Variants in NKAIN2 observed in about 807,000 individuals in gnomAD.
NKAIN2 encodes sodium/potassium-transporting ATPase subunit beta-1-interacting protein 2.
Under a neutral mutation model 32.6 loss-of-function variants are expected in NKAIN2, and 14 were observed. The ratio of observed to expected loss-of-function variants is 0.43; its 90% CI spans 0.28 to 0.67. NKAIN2 has a LOEUF of 0.67. NKAIN2 is among the 30% of genes least tolerant of loss of function. NKAIN2 has a pLI of 0.17. For synonymous variants in NKAIN2, 80 were observed against 87.2 expected, an observed-to-expected ratio of 0.92 and a Z score of 0.46; for missense variants, 198 against 258.3, an observed-to-expected ratio of 0.77 and a Z score of 1.60.
intron 3 of NKAIN2, among the ~76,000 whole-genome samples, chr6:124,515,602 A>AC (rs971446121): frequency 3.3e-5 from 5 of 151,532 alleles, no homozygotes; most frequent in Non-Finnish European, 7.4e-5. Flanking sequence ...TGACCCAAAG[A>AC]CCCCCCATTA....
chr6:124,450,472 C>T (rs1424274305), intron 3 of NKAIN2, among the ~76,000 whole-genome samples: 2 of 151,850 alleles, frequency 1.3e-5, no homozygotes, highest in Admixed American at 6.6e-5. Flanking sequence ...TTATTCTGAA[C>T]ATTAATAATC....
At chr6:124,479,051 A>G (rs1398102809) in intron 3 of NKAIN2, among the ~76,000 whole-genome samples, 1 of 152,096 alleles carries the variant, frequency 6.6e-6, no homozygotes, top group Non-Finnish European at 1.5e-5. Context: ...AAAACCGACA[A>G]ACACAAATGG....
intron 1 of NKAIN2, among the ~76,000 whole-genome samples, chr6:124,204,074 A>G (rs1790732250): frequency 6.6e-6 from 1 of 151,842 alleles, no homozygotes; most frequent in African/African-American, 2.4e-5. Context: ...CATGTGTTTT[A>G]CTTTTTGGGC....
chr6:123,878,723 T>C (rs1773296969), intron 1 of NKAIN2, among the ~76,000 whole-genome samples: 1 of 152,178 alleles, frequency 6.6e-6, no homozygotes, highest in Non-Finnish European at 1.5e-5. Flanking sequence ...CTCTGAATGC[T>C]GCCTGCCTTT....
intron 1 of NKAIN2, among the ~76,000 whole-genome samples, chr6:124,121,360 C>T (rs1011084317): frequency 6.6e-6 from 1 of 151,848 alleles, no homozygotes; most frequent in Non-Finnish European, 1.5e-5. Context: ...AAAATATCAC[C>T]ACCCATAATT....
chr6:124,617,711 T>G (rs75870976), intron 3 of NKAIN2, among the ~76,000 whole-genome samples: 6 of 152,338 alleles, frequency 3.9e-5, no homozygotes, highest in African/African-American at 1.4e-4. Flanking sequence ...TGACTGGGAT[T>G]ATGAATTCTA....
intron 1 of NKAIN2, among the ~76,000 whole-genome samples, chr6:124,080,830 C>A (rs1360838307): frequency 6.6e-6 from 1 of 152,064 alleles, no homozygotes; most frequent in East Asian, 1.9e-4. Flanking sequence ...TTGAAACAAA[C>A]ATCCTGGTGT....
intron 1 of NKAIN2, among the ~76,000 whole-genome samples, chr6:124,181,815 C>T (rs553880524): frequency 1.1e-4 from 17 of 152,254 alleles, no homozygotes; most frequent in African/African-American, 3.6e-4. Flanking sequence ...TTGGTCAAAG[C>T]CATTCAACAA....
intron 1 of NKAIN2, chr6:123,829,118 A>T (rs548191803): frequency 1.3e-5 from 2 of 152,168 alleles, no homozygotes; most frequent in Non-Finnish European, 2.9e-5. Context: ...TTAAAAGGAA[A>T]ATAACTATAC....
At chr6:123,873,849 T>C (rs1167777355) in intron 1 of NKAIN2, among the ~76,000 whole-genome samples, 1 of 152,222 alleles carries the variant, frequency 6.6e-6, no homozygotes, top group East Asian at 1.9e-4. Context: ...TTATTGTATG[T>C]AGAGTTTAAC....
chr6:124,726,064 CG>C (rs916070355), intron 4 of NKAIN2, among the ~76,000 whole-genome samples: 6 of 152,282 alleles, frequency 3.9e-5, no homozygotes, highest in African/African-American at 1.4e-4. Context: ...CCTACGCCCA[CG>C]GAGTCTCGCT....
chr6:123,815,128 C>T (rs779852472), intron 1 of NKAIN2, among the ~76,000 whole-genome samples: 2 of 152,054 alleles, frequency 1.3e-5, no homozygotes, highest in Admixed American at 1.3e-4. Context: ...GTGTTTCTAT[C>T]GTAAATCTAG....
chr6:124,770,963 G>A (rs897001695), intron 4 of NKAIN2, among the ~76,000 whole-genome samples: 1 of 152,134 alleles, frequency 6.6e-6, no homozygotes, highest in Non-Finnish European at 1.5e-5. Context: ...GAGAGTAAGA[G>A]GAAATCTAGG....
chr6:124,363,487 T>A (rs1799384387), intron 3 of NKAIN2, among the ~76,000 whole-genome samples: 2 of 152,170 alleles, frequency 1.3e-5, no homozygotes, highest in African/African-American at 4.8e-5. Flanking sequence ...CATAGGCAAT[T>A]TTTCTGTTAA....
intron 1 of NKAIN2, among the ~76,000 whole-genome samples, chr6:124,187,401 C>T (rs1789798183): frequency 6.6e-6 from 1 of 152,142 alleles, no homozygotes; most frequent in Non-Finnish European, 1.5e-5. Flanking sequence ...TATGTCACAT[C>T]ATTAAGGGCT....
intron 3 of NKAIN2, among the ~76,000 whole-genome samples, chr6:124,537,270 C>T (rs1289145692): frequency 6.6e-6 from 1 of 152,204 alleles, no homozygotes; most frequent in Non-Finnish European, 1.5e-5. Context: ...CCTCAAATCA[C>T]AGCAAGAAGC....
At chr6:123,989,216 C>T (rs903448859) in intron 1 of NKAIN2, among the ~76,000 whole-genome samples, 14 of 152,080 alleles carry the variant, frequency 9.2e-5, no homozygotes, top group African/African-American at 3.4e-4. Context: ...GCTCTGATAA[C>T]TGGGTAACAG....
intron 1 of NKAIN2, among the ~76,000 whole-genome samples, chr6:124,011,859 G>A (rs1293165839): frequency 6.6e-6 from 1 of 151,956 alleles, no homozygotes; most frequent in East Asian, 1.9e-4. Context: ...TTTGCTTCAG[G>A]GGATAGTCCT....
chr6:124,188,696 C>T (rs1457781908), intron 1 of NKAIN2, among the ~76,000 whole-genome samples: 1 of 152,078 alleles, frequency 6.6e-6, no homozygotes, highest in Non-Finnish European at 1.5e-5. Context: ...AAAGTCAATC[C>T]TTTTTCTGAA....
Sources: gnomAD v4.1 joint callset for allele counts (sites outside exome capture counted in the v4.1 genomes callset) on GRCh38, gnomAD v4.1.1 for gene constraint, MANE v1.5 for transcripts, NCBI Gene and HGNC (gene_info 2026-07-23, HGNC 2026-07-21) for gene names.